The following ARAP2 variants were observed in gnomAD, a reference collection of about 807,000 sequenced individuals.
The protein encoded by ARAP2 is arf-GAP with Rho-GAP domain, ANK repeat and PH domain-containing protein 2.
Under a neutral mutation model 194.5 loss-of-function variants are expected in ARAP2, and 148 were observed. The ratio of observed to expected loss-of-function variants is 0.76; its 90% CI spans 0.67 to 0.87. The LOEUF is 0.87. Ranked by LOEUF, ARAP2 falls within the 40% of genes least tolerant of loss-of-function variation. The probability of loss-of-function intolerance (pLI) is 0.00; values close to 1 mark genes in which losing one functional copy is unlikely to be tolerated. For missense variants in ARAP2, 2,128 were observed against 1,989.7 expected (o/e 1.07, Z -1.32); for synonymous variants, 695 against 683.5 (o/e 1.02, Z -0.26).
chr4:36,104,470 G>T (rs1332349394), intron 27 of ARAP2, among the ~76,000 whole-genome samples: 1 of 151,896 alleles, frequency 6.6e-6, no homozygotes, highest in Non-Finnish European at 1.5e-5. Flanking sequence ...CGTTGTGATT[G>T]ACTTAGGAGA....
intron 5 of ARAP2, among the ~76,000 whole-genome samples, chr4:36,019,502 C>T (rs928209325): frequency 6.7e-6 from 1 of 148,968 alleles, no homozygotes; most frequent in East Asian, 1.9e-4. Context: ...GGAAGATTGA[C>T]CTGGAACAAT....
chr4:36,209,398 A>C (rs1176214892), intron 6 of ARAP2: 2 of 453,550 alleles, frequency 4.4e-6, no homozygotes, highest in Admixed American at 4.8e-5. Flanking sequence ...GCTTTGGTTT[A>C]TTCAAAATCA....
chr4:36,215,618 G>A (rs767574582), intron 2 of ARAP2, among the ~76,000 whole-genome samples: 2 of 152,198 alleles, frequency 1.3e-5, no homozygotes, highest in East Asian at 1.9e-4. Flanking sequence ...ATAATGTCAC[G>A]TACTAGTGAC....
chr4:36,021,301 A>T (rs769039983), intron 5 of ARAP2, among the ~76,000 whole-genome samples: 1 of 152,216 alleles, frequency 6.6e-6, no homozygotes, highest in African/African-American at 2.4e-5. Flanking sequence ...TTTTAAAAAA[A>T]TCATAGGATA....
chr4:36,094,084 C>T (rs930455962), intron 27 of ARAP2, among the ~76,000 whole-genome samples: 1 of 152,100 alleles, frequency 6.6e-6, no homozygotes, highest in Admixed American at 6.6e-5. Context: ...TTGGTTTACA[C>T]GTTATTTTTG....
intron 1 of ARAP2, among the ~76,000 whole-genome samples, chr4:36,230,983 G>A (rs183713156): frequency 1.5e-3 from 235 of 152,304 alleles, no homozygotes; most frequent in African/African-American, 5.1e-3. Flanking sequence ...GGCAAGAAAT[G>A]CCTTTGTCAA....
chr4:36,030,362 T>A (rs1350301321), intron 5 of ARAP2, among the ~76,000 whole-genome samples: 1 of 152,148 alleles, frequency 6.6e-6, no homozygotes, highest in Non-Finnish European at 1.5e-5. Flanking sequence ...ATCTCCAAAG[T>A]TAAATATTTT....
chr4:36,186,436 T>C (rs1011858724), intron 8 of ARAP2, among the ~76,000 whole-genome samples: 1 of 152,146 alleles, frequency 6.6e-6, no homozygotes, highest in Non-Finnish European at 1.5e-5. Flanking sequence ...ATGATATAGA[T>C]GAAAAGAATT....
At chr4:36,043,652 A>C (rs1324986220) in intron 5 of ARAP2, among the ~76,000 whole-genome samples, 2 of 151,818 alleles carry the variant, frequency 1.3e-5, no homozygotes, top group Admixed American at 6.6e-5. Context: ...GAAACTCAGA[A>C]GGCTATGTGA....
At chr4:36,198,667 T>A (rs1743699783) in intron 6 of ARAP2, among the ~76,000 whole-genome samples, 2 of 152,198 alleles carry the variant, frequency 1.3e-5, no homozygotes, top group Non-Finnish European at 2.9e-5. Flanking sequence ...CAGATCCAGA[T>A]GGGCTGTGAC....
intron 6 of ARAP2, among the ~76,000 whole-genome samples, chr4:36,204,090 A>C (rs766260310): frequency 6.6e-6 from 1 of 152,204 alleles, no homozygotes; most frequent in Non-Finnish European, 1.5e-5. Context: ...AGTGAGCAGA[A>C]AGGGAAAATG....
chr4:36,012,053 A>G (rs1394363456), intron 9 of ARAP2, among the ~76,000 whole-genome samples: 1 of 152,144 alleles, frequency 6.6e-6, no homozygotes, highest in Non-Finnish European at 1.5e-5. Context: ...CATTTCTTTC[A>G]TGGTATGTCA....
At chr4:36,044,641 T>C (rs1224871395) in intron 5 of ARAP2, among the ~76,000 whole-genome samples, 3 of 152,088 alleles carry the variant, frequency 2.0e-5, no homozygotes, top group Non-Finnish European at 4.4e-5. Context: ...GGGCAATGAT[T>C]TCTTGGATAA....
chr4:36,030,237 T>C (rs9968367), intron 5 of ARAP2, among the ~76,000 whole-genome samples: 2,184 of 152,202 alleles, frequency 0.014, 66 homozygotes, highest in African/African-American at 0.05. Context: ...AAGCTGCTGT[T>C]TAATGTTATC....
intron 3 of ARAP2, among the ~76,000 whole-genome samples, chr4:36,048,289 G>T (rs1329405732): frequency 6.6e-6 from 1 of 152,070 alleles, no homozygotes; most frequent in Non-Finnish European, 1.5e-5. Flanking sequence ...TGTCACATGG[G>T]TGTATTGAAT....
chr4:36,192,640 C>T (rs1364317889), intron 7 of ARAP2, among the ~76,000 whole-genome samples: 1 of 152,094 alleles, frequency 6.6e-6, no homozygotes, highest in Non-Finnish European at 1.5e-5. Context: ...TCAACCTAGG[C>T]AACGAATTGT....
intron 9 of ARAP2, among the ~76,000 whole-genome samples, chr4:36,175,506 A>G (rs1737688813): frequency 1.3e-5 from 2 of 152,198 alleles, no homozygotes; most frequent in African/African-American, 4.8e-5. Context: ...GGCCTTCCTT[A>G]TCGGCTCATT....
Position 36,056,735 on chromosome 4 carries a change from T to C in ARAP2, n.321+1235A>G, listed in dbSNP as rs77221978. 8.0e-3 allele frequency among the ~76,000 whole-genome samples: 1,223 copies of C among 152,242 alleles called. 19 individuals carry two copies. The highest frequency in any genetic ancestry group is 0.028 in the African/African-American group (1,155 of 41,566). On this transcript the variant is annotated intron_variant and non_coding_transcript_variant, in intron 2 of 12. Transcript: ENST00000503225. ...TTTTTTCTACTTTGAATTACTAAAA[T>C]ATATTTTAGTTTTCCATTTTTCTTT...
downstream of ARAP2, among the ~76,000 whole-genome samples, chr4:36,064,859 T>C (rs1725139275): frequency 6.6e-6 from 1 of 151,908 alleles, no homozygotes. Context: ...AGAAAAGACA[T>C]TGGGGAAGGC....
Sources: allele counts gnomAD v4.1 joint callset (sites outside exome capture counted in the v4.1 genomes callset), GRCh38; gene constraint gnomAD v4.1.1; transcripts MANE v1.5; gene names NCBI Gene and HGNC (gene_info 2026-07-23, HGNC 2026-07-21).